WWOX: variants seen among roughly 807,000 people sequenced by gnomAD.
WWOX encodes the protein WW domain containing oxidoreductase, also known as WW domain-containing oxidoreductase.
A neutral mutation model predicts 46.2 loss-of-function variants in WWOX; 69 were observed. The observed-to-expected ratio is 1.49, with a 90% CI of 1.23 to 1.82. WWOX has a LOEUF of 1.82. WWOX is among the 40% of genes most tolerant of loss of function. The pLI is 0.00. For synonymous variants in WWOX, 359 were observed against 202.6 expected, an observed-to-expected ratio of 1.77 and a Z score of -6.56; for missense variants, 919 against 542.6, an observed-to-expected ratio of 1.69 and a Z score of -6.89.
chr16:78,980,988 A>C (rs562190383), intron 8 of WWOX, among the ~76,000 whole-genome samples: 1 of 152,276 alleles, frequency 6.6e-6, no homozygotes, highest in East Asian at 1.9e-4. Context: ...TTCTTGGCTT[A>C]TGTAGAAATC....
At chr16:78,669,341 G>T (rs574259407) in intron 8 of WWOX, among the ~76,000 whole-genome samples, 1 of 152,316 alleles carries the variant, frequency 6.6e-6, no homozygotes, top group South Asian at 2.1e-4. Flanking sequence ...GTCTGGAAAG[G>T]GAGTTTTAAC....
intron 4 of WWOX, among the ~76,000 whole-genome samples, chr16:78,116,107 G>A (rs1296041943): frequency 6.6e-6 from 1 of 152,112 alleles, no homozygotes; most frequent in African/African-American, 2.4e-5. Flanking sequence ...CATGGAGAAT[G>A]GGGTATCCAT....
intron 8 of WWOX, among the ~76,000 whole-genome samples, chr16:79,028,557 C>A (rs1034074623): frequency 5.3e-5 from 8 of 151,190 alleles, no homozygotes; most frequent in Non-Finnish European, 1.5e-5. Flanking sequence ...GCTTTCTTCC[C>A]TCCTCTCTCC....
chr16:78,916,717 T>G (rs1306178547), intron 8 of WWOX, among the ~76,000 whole-genome samples: 2 of 152,240 alleles, frequency 1.3e-5, no homozygotes, highest in Non-Finnish European at 2.9e-5. Flanking sequence ...AAGTGATTCT[T>G]TCTAGGATAA....
chr16:79,200,203 G>A (rs940137427), intron 8 of WWOX, among the ~76,000 whole-genome samples: 5 of 152,122 alleles, frequency 3.3e-5, no homozygotes, highest in Admixed American at 2.6e-4. Context: ...GGGAAGCCAG[G>A]GTTTTAGGCA....
intron 8 of WWOX, among the ~76,000 whole-genome samples, chr16:78,651,769 T>A (rs528700235): frequency 6.6e-6 from 1 of 152,216 alleles, no homozygotes; most frequent in Non-Finnish European, 1.5e-5. Flanking sequence ...TATCAACTTA[T>A]GCTTTGGAAC....
intron 8 of WWOX, among the ~76,000 whole-genome samples, chr16:78,689,951 C>T (rs986122536): frequency 4.6e-5 from 7 of 152,224 alleles, no homozygotes; most frequent in Non-Finnish European, 1.0e-4. Context: ...ACCTCTGCCT[C>T]GCAGGCTCAA....
intron 8 of WWOX, among the ~76,000 whole-genome samples, chr16:78,963,704 G>C (rs1449795710): frequency 2.0e-5 from 3 of 152,166 alleles, no homozygotes; most frequent in Admixed American, 2.0e-4. Flanking sequence ...ATTGCACTAT[G>C]CACTTAACAC....
At chr16:78,913,822 A>G (rs960615049) in intron 8 of WWOX, among the ~76,000 whole-genome samples, 1 of 151,864 alleles carries the variant, frequency 6.6e-6, no homozygotes. Context: ...CACAATGCCC[A>G]GCTAACTTTT....
chr16:79,084,741 T>C (rs2048823154), intron 8 of WWOX, among the ~76,000 whole-genome samples: 1 of 150,714 alleles, frequency 6.6e-6, no homozygotes, highest in South Asian at 2.1e-4. Flanking sequence ...ATTATTTCTT[T>C]TAATCCTCAC....
At chr16:78,985,100 T>A (rs2046759241) in intron 8 of WWOX, among the ~76,000 whole-genome samples, 1 of 152,200 alleles carries the variant, frequency 6.6e-6, no homozygotes. Flanking sequence ...ACTTTGTAAC[T>A]GTTTCCGAAC....
intron 8 of WWOX, among the ~76,000 whole-genome samples, chr16:78,621,951 A>C (rs1029061484): frequency 1.3e-5 from 2 of 151,804 alleles, no homozygotes; most frequent in African/African-American, 4.8e-5. Context: ...TTGTCTTTGA[A>C]ATTGTACTGG....
intron 8 of WWOX, among the ~76,000 whole-genome samples, chr16:78,932,854 C>A (rs537580309): frequency 1.3e-5 from 2 of 152,316 alleles, no homozygotes; most frequent in East Asian, 3.9e-4. Flanking sequence ...TGGAGGTCAT[C>A]TGGCCCAGCA....
chr16:78,973,601 C>G (rs1454015471), intron 8 of WWOX, among the ~76,000 whole-genome samples: 1 of 152,118 alleles, frequency 6.6e-6, no homozygotes, highest in Non-Finnish European at 1.5e-5. Flanking sequence ...CTCAGTCTCT[C>G]AAACTGTAGG....
chr16:78,474,035 G>A lies in WWOX; in HGVS notation c.1056+41283G>A, dbSNP rs117784532. ...ACCACTTTTACAGAGATTTAAATGT[G>A]ATAATAAGAATAAAAGAAAATGAAG... On this transcript the variant is annotated intron_variant, in intron 8 of 8. Coordinates refer to ENST00000566780, the MANE Select transcript of WWOX (RefSeq NM_016373.4). Among the ~76,000 whole-genome samples the A allele has an allele frequency of 5.0e-3, 761 of 152,290 alleles. 6 individuals are homozygous for A. Among genetic ancestry groups the A allele is most frequent in the Non-Finnish European group, 6.6e-3 (451 of 68,028 alleles).
chr16:78,674,141 C>G (rs560311742), intron 8 of WWOX, among the ~76,000 whole-genome samples: 1 of 152,104 alleles, frequency 6.6e-6, no homozygotes, highest in Non-Finnish European at 1.5e-5. Flanking sequence ...TAAAATCCAA[C>G]AGCTCTCTTT....
In WWOX at chr16:79,129,928, G is replaced by A. The variant is rs142844828; in HGVS notation, c.1057-81680G>A. Among the ~76,000 whole-genome samples the A allele has an allele frequency of 2.6e-3, 392 of 152,268 alleles. 1 individual carries two copies. The highest frequency in any genetic ancestry group is 9.0e-3 in the African/African-American group (372 of 41,548). On this transcript the variant is annotated intron_variant, in intron 8 of 8. Coordinates refer to ENST00000566780, the MANE Select transcript of WWOX (RefSeq NM_016373.4). ...CTGTTCACTGGCTGAGTCATCTTTG[G>A]TAGGTCCCTTTACCACTTTGCCACT...
intron 4 of WWOX, among the ~76,000 whole-genome samples, chr16:78,125,470 A>G (rs566757849): frequency 1.4e-4 from 22 of 152,306 alleles, no homozygotes; most frequent in African/African-American, 5.1e-4. Context: ...AAACCCGTGA[A>G]GCCTCGCTCT....
chr16:78,984,448 A>G (rs1360049862), intron 8 of WWOX, among the ~76,000 whole-genome samples: 2 of 152,198 alleles, frequency 1.3e-5, no homozygotes, highest in Non-Finnish European at 1.5e-5. Flanking sequence ...TTGTAGTGCA[A>G]AAGCAGCTGT....
Sources: allele counts gnomAD v4.1 joint callset (sites outside exome capture counted in the v4.1 genomes callset), GRCh38; gene constraint gnomAD v4.1.1; transcripts MANE v1.5; gene names NCBI Gene and HGNC (gene_info 2026-07-23, HGNC 2026-07-21).